TRAPPC9: variants seen among roughly 807,000 people sequenced by gnomAD.
The protein encoded by TRAPPC9 is IKK2 binding protein.
In TRAPPC9, 83 loss-of-function variants were observed where a neutral mutation model predicts 124.0. The observed-to-expected ratio is 0.67, with a 90% confidence interval of 0.56 to 0.80. The LOEUF (loss-of-function observed/expected upper bound fraction) is 0.80. TRAPPC9 is among the 30% of genes least tolerant of loss of function. The pLI is 0.00. For missense variants in TRAPPC9, 1,302 were observed against 1,508.3 expected (o/e 0.86, Z 2.27); for synonymous variants, 638 against 617.5 (o/e 1.03, Z -0.49).
intron 14 of TRAPPC9, 135 bp from the exon 15 acceptor site, chr8:140,275,956 T>C (rs377587618): frequency 3.6e-5 from 26 of 724,146 alleles, no homozygotes; most frequent in East Asian, 3.2e-4. Flanking sequence ...GGGCTTCATA[T>C]ATGGAGTTCA....
At chr8:140,268,745 A>G (rs1392299180) in intron 15 of TRAPPC9, among the ~76,000 whole-genome samples, 1 of 152,162 alleles carries the variant, frequency 6.6e-6, no homozygotes, top group Non-Finnish European at 1.5e-5. Context: ...CCGACTGGAG[A>G]GAACCACAGA....
rs1417304778 is a variant in TRAPPC9, at chr8:139,890,883, AG to A, written c.2965-4915del. Among the ~76,000 whole-genome samples the A allele has an allele frequency of 1.2e-4, 18 of 151,936 alleles. No homozygotes were observed. The Middle Eastern group carries it at 0.01, about 86-fold the overall frequency. On this transcript the variant is annotated intron_variant, in intron 20 of 22. Coordinates refer to ENST00000438773, the MANE Select transcript of TRAPPC9 (RefSeq NM_001160372.4). ...AAATTTAAAAATTTAAAAAAAAAAA[AG>A]AAAATATCTGTGGCTGTCTGTGCCT...
intron 9 of TRAPPC9, among the ~76,000 whole-genome samples, chr8:140,335,321 T>G (rs1588168364): frequency 1.3e-5 from 2 of 152,064 alleles, no homozygotes. Flanking sequence ...TGAACCACAG[T>G]CATGACCACG....
chr8:140,378,273 C>T (rs1351814729), intron 7 of TRAPPC9, among the ~76,000 whole-genome samples: 1 of 152,004 alleles, frequency 6.6e-6, no homozygotes, highest in East Asian at 1.9e-4. Flanking sequence ...CTGGGTGTGT[C>T]TGGGAGGGTG....
chr8:140,272,381 ATGATG>A (rs1563904476), intron 15 of TRAPPC9, among the ~76,000 whole-genome samples: 7 of 110,274 alleles, frequency 6.3e-5, no homozygotes, highest in Non-Finnish European at 1.3e-4. Context: ...GGTGGTGGTG[ATGATG>A]GTGATGGTGG....
At chr8:140,185,931 A>C (rs989935129) in intron 17 of TRAPPC9, among the ~76,000 whole-genome samples, 1 of 152,162 alleles carries the variant, frequency 6.6e-6, no homozygotes, top group Non-Finnish European at 1.5e-5. Context: ...CCTGCCCCAG[A>C]CACTGAGGGT....
chr8:140,158,995 G>A (rs1013178977), intron 17 of TRAPPC9, among the ~76,000 whole-genome samples: 16 of 152,218 alleles, frequency 1.1e-4, no homozygotes, highest in Admixed American at 7.9e-4. Flanking sequence ...TCCAGACGCT[G>A]AAGTGTAGGC....
chr8:140,183,882 A>G (rs867043610), intron 17 of TRAPPC9, among the ~76,000 whole-genome samples: 1 of 30,662 alleles, frequency 3.3e-5, no homozygotes, highest in Admixed American at 3.5e-4. Context: ...AAGAAGAAGA[A>G]GAAGAAGAGG....
intron 8 of TRAPPC9, 40 bp from the exon 9 acceptor site, chr8:140,360,233 G>C: frequency 6.2e-7 from 1 of 1,613,316 alleles, no homozygotes; most frequent in East Asian, 2.2e-5. Flanking sequence ...AGTGCTTGGA[G>C]AGGGTACAGG....
chr8:140,169,805 G>A (rs372414437), intron 17 of TRAPPC9, among the ~76,000 whole-genome samples: 13 of 151,982 alleles, frequency 8.6e-5, no homozygotes, highest in African/African-American at 2.2e-4. Flanking sequence ...TTTCCTTTTC[G>A]GTTGAAGCTG....
chr8:140,090,846 G>T (rs1844523226), intron 17 of TRAPPC9, among the ~76,000 whole-genome samples: 1 of 152,194 alleles, frequency 6.6e-6, no homozygotes, highest in Non-Finnish European at 1.5e-5. Flanking sequence ...AGGCCAACAG[G>T]CTGACGTGAT....
chr8:140,447,810 G>A (rs1273519744), intron 2 of TRAPPC9, among the ~76,000 whole-genome samples: 3 of 152,110 alleles, frequency 2.0e-5, no homozygotes, highest in African/African-American at 7.2e-5. Flanking sequence ...GAGCTGCAGG[G>A]GAGACAAGGC....
chr8:139,973,706 A>C (rs2665952), intron 19 of TRAPPC9, among the ~76,000 whole-genome samples: 137,604 of 152,210 alleles, frequency 0.9, 62,416 homozygotes, highest in Middle Eastern at 0.99. Flanking sequence ...AGCACCAGGG[A>C]AAAGTCGAAG....
Position 140,182,472 on chromosome 8 carries a change from T to C in TRAPPC9, c.2556+38987A>G, listed in dbSNP as rs538043857. ...AGACAGAAAACAGCTTCACTACTGA[T>C]ACATTAGTGTCTGCTAATTCTGAAA... On this transcript the variant is annotated intron_variant, in intron 17 of 22. Coordinates refer to ENST00000438773, the MANE Select transcript of TRAPPC9 (RefSeq NM_001160372.4). This position sits in a 1 kb window ranked among gnomAD's most constrained non-coding sequence, Gnocchi z 4.0. 4.1e-4 allele frequency among the ~76,000 whole-genome samples: 63 copies of C among 152,274 alleles called. No homozygotes were observed. The highest frequency in any genetic ancestry group is 1.4e-3 in the African/African-American group (59 of 41,562).
chr8:140,251,778 C>G (rs1488016032), intron 16 of TRAPPC9, among the ~76,000 whole-genome samples: 3 of 152,214 alleles, frequency 2.0e-5, no homozygotes, highest in Admixed American at 2.0e-4. Context: ...CTCCCTCTCT[C>G]CTCCACGTGG....
Position 140,320,507 on chromosome 8 carries a change from C to G in TRAPPC9, c.1496-9133G>C, listed in dbSNP as rs114840518. ...GGGAGGCCACGCCAAACGTCCAGCACAGAGCTGCAGACGGGAACTCAGGCT... is the reference window on the plus strand; with the variant it reads ...GGGAGGCCACGCCAAACGTCCAGCAGAGAGCTGCAGACGGGAACTCAGGCT... On this transcript the variant is annotated intron_variant, in intron 9 of 22. Transcript: ENST00000438773. Among the ~76,000 whole-genome samples, 792 of 152,284 alleles carry G rather than the reference C, an allele frequency of 5.2e-3. 9 individuals carry two copies. The highest frequency in any genetic ancestry group is 0.018 in the African/African-American group (739 of 41,556).
intron 19 of TRAPPC9, among the ~76,000 whole-genome samples, chr8:139,958,512 G>A (rs1354841624): frequency 1.3e-5 from 2 of 152,176 alleles, no homozygotes; most frequent in African/African-American, 2.4e-5. Flanking sequence ...CAGGAAGGCT[G>A]ACTTCTCAAC....
chr8:140,175,587 A>G (rs1329712959), intron 17 of TRAPPC9, among the ~76,000 whole-genome samples: 1 of 152,220 alleles, frequency 6.6e-6, no homozygotes, highest in Non-Finnish European at 1.5e-5. Flanking sequence ...TAAAAACAGA[A>G]AAGTAACTGA....
intron 18 of TRAPPC9, among the ~76,000 whole-genome samples, chr8:140,007,493 C>T (rs746810847): frequency 3.3e-5 from 5 of 152,224 alleles, no homozygotes; most frequent in Non-Finnish European, 7.3e-5. Flanking sequence ...AACCTGAAAT[C>T]ATGTTTCATG....
Sources: gnomAD v4.1 joint callset for allele counts (sites outside exome capture counted in the v4.1 genomes callset) on GRCh38, gnomAD v4.1.1 for gene constraint, Gnocchi (gnomAD v3.1) non-coding constraint, MANE v1.5 for transcripts, NCBI Gene and HGNC (gene_info 2026-07-23, HGNC 2026-07-21) for gene names.